Variants in MPPED2 observed in about 807,000 individuals in gnomAD.
MPPED2 encodes metallophosphoesterase domain containing 2.
MPPED2 carries 5 observed loss-of-function variants against 33.0 expected under a neutral mutation model. The observed-to-expected ratio is 0.15, with a 90% CI of 0.08 to 0.32. MPPED2 has a LOEUF of 0.32. MPPED2 is among the 10% of genes least tolerant of loss of function. The pLI is 1.00. For missense variants in MPPED2, 275 were observed against 372.1 expected (o/e 0.74, Z 2.15); for synonymous variants, 136 against 141.9 (o/e 0.96, Z 0.29).
intron 2 of MPPED2, among the ~76,000 whole-genome samples, chr11:30,545,478 A>G (rs957424387): frequency 4.6e-5 from 7 of 152,272 alleles, no homozygotes; most frequent in Middle Eastern, 3.4e-3. Flanking sequence ...CCGTAGCTCT[A>G]TCTTACAGCC....
intron 2 of MPPED2, among the ~76,000 whole-genome samples, chr11:30,538,472 C>G (rs758966762): frequency 1.2e-4 from 18 of 152,150 alleles, no homozygotes; most frequent in Non-Finnish European, 2.4e-4. Flanking sequence ...ATTGGTTCCT[C>G]ATCTTGACTT....
intron 3 of MPPED2, among the ~76,000 whole-genome samples, chr11:30,522,115 T>A (rs763288112): frequency 1.3e-5 from 2 of 152,140 alleles, no homozygotes; most frequent in Non-Finnish European, 2.9e-5. Flanking sequence ...TTGATTTGGT[T>A]TGAGTTTTAA....
chr11:30,406,721 G>C (rs1947995498), downstream of MPPED2, among the ~76,000 whole-genome samples: 2 of 152,142 alleles, frequency 1.3e-5, no homozygotes, highest in Admixed American at 1.3e-4. Flanking sequence ...TCCAGAAGTG[G>C]TCCTGGGGCC....
chr11:30,490,904 G>A (rs1951950978), intron 4 of MPPED2, among the ~76,000 whole-genome samples: 1 of 152,118 alleles, frequency 6.6e-6, no homozygotes. Flanking sequence ...TTCCTAGTCT[G>A]ATGGCGATTA....
chr11:30,457,235 T>C (rs917538018), intron 4 of MPPED2, among the ~76,000 whole-genome samples: 1 of 152,118 alleles, frequency 6.6e-6, no homozygotes, highest in African/African-American at 2.4e-5. Context: ...GGAGACACAA[T>C]AAGGGAGAGG....
intron 4 of MPPED2, among the ~76,000 whole-genome samples, chr11:30,485,527 G>A (rs958123229): frequency 6.1e-4 from 54 of 88,432 alleles, no homozygotes; most frequent in African/African-American, 1.7e-3. Flanking sequence ...GGAACAGCCT[G>A]TTTCTAAGGC....
chr11:30,526,751 T>C (rs1954208635), intron 3 of MPPED2, among the ~76,000 whole-genome samples: 2 of 151,516 alleles, frequency 1.3e-5, no homozygotes, highest in African/African-American at 2.4e-5. Context: ...TAGATATGAC[T>C]GTTAGGTAAT....
chr11:30,489,971 C>A (rs527316961), intron 4 of MPPED2, among the ~76,000 whole-genome samples: 81 of 151,744 alleles, frequency 5.3e-4, no homozygotes, highest in Admixed American at 4.6e-3. Flanking sequence ...CCTAGTCCCA[C>A]GAGTAAGTTT....
intron 3 of MPPED2, among the ~76,000 whole-genome samples, chr11:30,520,821 A>C (rs1021753087): frequency 2.6e-5 from 4 of 152,214 alleles, no homozygotes; most frequent in African/African-American, 9.6e-5. Context: ...TTTTGGTTGC[A>C]AAGGTTGTTC....
chr11:30,403,144 G>A (rs2133711681), intron 6 of MPPED2, among the ~76,000 whole-genome samples: 1 of 152,226 alleles, frequency 6.6e-6, no homozygotes, highest in African/African-American at 2.4e-5. Flanking sequence ...CTACTCGCGA[G>A]GATGAGGCAG....
chr11:30,469,945 G>A (rs1460658890), intron 4 of MPPED2, among the ~76,000 whole-genome samples: 2 of 152,112 alleles, frequency 1.3e-5, no homozygotes, highest in Non-Finnish European at 2.9e-5. Flanking sequence ...AGAACTCCAT[G>A]GAGAGTAGCT....
intron 2 of MPPED2, among the ~76,000 whole-genome samples, chr11:30,574,240 A>G (rs1207597291): frequency 6.6e-6 from 1 of 152,088 alleles, no homozygotes; most frequent in Non-Finnish European, 1.5e-5. Context: ...TTAATTTTTT[A>G]TACTCTACCT....
At chr11:30,437,434 C>A (rs921247888) in intron 4 of MPPED2, among the ~76,000 whole-genome samples, 3 of 150,322 alleles carry the variant, frequency 2.0e-5, no homozygotes, top group Non-Finnish European at 4.4e-5. Flanking sequence ...TTCTATTTTC[C>A]CCATCAAATT....
intron 4 of MPPED2, among the ~76,000 whole-genome samples, chr11:30,431,179 T>A (rs1949061983): frequency 6.6e-6 from 1 of 152,140 alleles, no homozygotes; most frequent in Non-Finnish European, 1.5e-5. Flanking sequence ...TTCCTAAGCT[T>A]TCCTGGATTA....
At chr11:30,538,202 A>G (rs1223021737) in intron 2 of MPPED2, among the ~76,000 whole-genome samples, 1 of 152,182 alleles carries the variant, frequency 6.6e-6, no homozygotes, top group Non-Finnish European at 1.5e-5. Context: ...TACCTATTCT[A>G]GTGTTTGTTT....
At chr11:30,495,268 G>T in intron 4 of MPPED2, 28 bp downstream of exon 4, 1 of 1,513,884 alleles carries the variant, frequency 6.6e-7, no homozygotes, top group Non-Finnish European at 9.2e-7. Context: ...AAAAAGCAAT[G>T]TGGAAAACTG....
chr11:30,485,750 C>G (rs1175886920), intron 4 of MPPED2, among the ~76,000 whole-genome samples: 1 of 152,132 alleles, frequency 6.6e-6, no homozygotes, highest in Non-Finnish European at 1.5e-5. Context: ...CCTTCGCCAT[C>G]AGAGGGGATG....
intron 4 of MPPED2, among the ~76,000 whole-genome samples, chr11:30,485,068 C>T (rs936722538): frequency 3.9e-5 from 6 of 152,100 alleles, no homozygotes; most frequent in Non-Finnish European, 7.4e-5. Context: ...GAGCATTCAC[C>T]GAGTGCCAGG....
chr11:30,396,972 C>T (rs1272016616), intron 6 of MPPED2, among the ~76,000 whole-genome samples: 1 of 152,076 alleles, frequency 6.6e-6, no homozygotes, highest in Non-Finnish European at 1.5e-5. Context: ...TTCTTTATTC[C>T]TATATGTCAC....
Sources: allele counts gnomAD v4.1 joint callset (sites outside exome capture counted in the v4.1 genomes callset), GRCh38; gene constraint gnomAD v4.1.1; transcripts MANE v1.5; gene names NCBI Gene and HGNC (gene_info 2026-07-23, HGNC 2026-07-21).